The following PTBP1 variants were observed in gnomAD, a reference collection of about 807,000 sequenced individuals.
The protein encoded by PTBP1 is polypyrimidine tract binding protein 1.
Under a neutral mutation model 59.8 loss-of-function variants are expected in PTBP1, and 8 were observed. The ratio of observed to expected loss-of-function variants is 0.13; its 90% CI spans 0.08 to 0.24. PTBP1 has a LOEUF of 0.24. Among genes scored for constraint, PTBP1 ranks in the 10% least tolerant of loss-of-function variants. The probability of loss-of-function intolerance (pLI) is 1.00; values close to 1 mark genes in which losing one functional copy is unlikely to be tolerated. For synonymous variants in PTBP1, 490 were observed against 320.7 expected, an observed-to-expected ratio of 1.53 and a Z score of -5.64; for missense variants, 686 against 767.0, an observed-to-expected ratio of 0.89 and a Z score of 1.25.
chr19:802,937 C>T (rs935121487), intron 2 of PTBP1, among the ~76,000 whole-genome samples: 8 of 152,228 alleles, frequency 5.3e-5, no homozygotes, highest in African/African-American at 1.9e-4. Context: ...GTCACGGCCG[C>T]GATACCAGCG....
intron 2 of PTBP1, among the ~76,000 whole-genome samples, chr19:803,285 C>T (rs2034417456): frequency 6.6e-6 from 1 of 152,208 alleles, no homozygotes; most frequent in African/African-American, 2.4e-5. Flanking sequence ...TGGTGCCCTC[C>T]GTAGCTGAGA....
intron 1 of PTBP1, chr19:798,596 C>T (rs1228719320): frequency 6.6e-6 from 1 of 152,408 alleles, no homozygotes; most frequent in African/African-American, 2.4e-5. Context: ...GGACCCAGCA[C>T]CGCGGGCTCG....
rs545814372 is a variant in PTBP1 at position 799,524 on chromosome 19, C to G, written c.39+81C>G. The stretch of plus-strand genomic sequence containing the variant: ...CGGGGGCCACCCCCCAGCGCTGTTG[C>G]GTTGGCTAGAGGGCGCTTTTCCATT... On this transcript the variant is annotated intron_variant, in intron 2 of 14. Coordinates refer to ENST00000356948, the MANE Select transcript of PTBP1 (RefSeq NM_002819.5). The G allele has an allele frequency of 1.1e-5, 15 of 1,425,304 alleles. 1 individual carries two copies. In the East Asian group the frequency reaches 2.5e-4, roughly 24 times the overall value. The allele number at this position is 1,425,304 out of a possible 1,614,324, so 88.3% of individuals were successfully genotyped here.
intron 1 of PTBP1, chr19:798,578 C>G (rs1329968575): frequency 1.3e-5 from 2 of 152,266 alleles, no homozygotes; most frequent in African/African-American, 4.8e-5. Context: ...CGAGGGCTCC[C>G]CGCTCTCGGA....
chr19:801,174 CG>C (rs2145029111), intron 2 of PTBP1, among the ~76,000 whole-genome samples: 1 of 152,296 alleles, frequency 6.6e-6, no homozygotes, highest in Non-Finnish European at 1.5e-5. Flanking sequence ...AGTCCTGGGG[CG>C]TTTCCTGTCA....
chr19:802,723 C>T (rs1023802579), intron 2 of PTBP1, among the ~76,000 whole-genome samples: 2 of 152,240 alleles, frequency 1.3e-5, no homozygotes, highest in South Asian at 2.1e-4. Flanking sequence ...ACCAACGTCT[C>T]CTCCAATTTC....
intron 9 of PTBP1, chr19:806,127 T>C: frequency 2.7e-6 from 1 of 369,058 alleles, no homozygotes; most frequent in South Asian, 6.1e-5. Context: ...GTGTCTGTGC[T>C]GGCGGAGCCG....
In PTBP1 at chr19:810,846, C is replaced by CG; in HGVS notation, c.*23dup. On this transcript the variant is annotated 3_prime_UTR_variant, in exon 15 of 15. Coordinates refer to ENST00000356948, the MANE Select transcript of PTBP1 (RefSeq NM_002819.5). ...ATCTAGGGGCACAGGCCCCCACGGC[C>CG]GGGCCCCCTGGCGACAACTTCCATC... 6.6e-7 allele frequency: 1 copy of CG among 1,514,306 alleles called. No individual in the cohort carries two copies. The highest frequency in any genetic ancestry group is 1.3e-5 in the South Asian group (1 of 76,734). 93.8% of individuals were successfully genotyped at this position (1,514,306 alleles called of 1,614,324 possible). A position where few individuals can be genotyped will look rare whatever the true frequency, so the allele number is the denominator to read the frequency against.
At chr19:810,262 C>T (rs949302440) in intron 13 of PTBP1, among the ~76,000 whole-genome samples, 5 of 152,144 alleles carry the variant, frequency 3.3e-5, no homozygotes, top group African/African-American at 4.8e-5. Flanking sequence ...GCTGAGATCA[C>T]GCCACTGTGC....
At chr19:809,086 G>A (rs756759751) in intron 13 of PTBP1, among the ~76,000 whole-genome samples, 2 of 151,764 alleles carry the variant, frequency 1.3e-5, no homozygotes, top group African/African-American at 2.4e-5. Flanking sequence ...TCGGTTCACT[G>A]CAACCTCCGC....
intron 13 of PTBP1, among the ~76,000 whole-genome samples, chr19:809,663 G>A (rs1466078893): frequency 6.6e-6 from 1 of 152,214 alleles, no homozygotes; most frequent in Admixed American, 6.5e-5. Context: ...GGGCCGGGCA[G>A]GGGATTGCTT....
chr19:803,976 G>GACC, intron 3 of PTBP1, 60 bp from the exon 4 acceptor site: 1 of 1,594,106 alleles, frequency 6.3e-7, no homozygotes, highest in Admixed American at 1.7e-5. Flanking sequence ...GGATAGCAGG[G>GACC]ACCTTCCTCT....
intron 10 of PTBP1, chr19:807,075 C>G (rs73490587): frequency 0.16 from 23,964 of 152,420 alleles, 2,135 homozygotes; most frequent in South Asian, 0.23. Context: ...TCAGGCTGTT[C>G]TGTTTCCCGG....
chr19:804,417 C>G lies in PTBP1; in HGVS notation c.414C>G (p.Thr138=), dbSNP rs539202863. The change falls in exon 5 of 15, where the codon ACC becomes ACG. Residue 138 remains threonine (T), a synonymous_variant. Coordinates refer to ENST00000356948, the MANE Select transcript of PTBP1 (RefSeq NM_002819.5). ...TCTCCAACCACAAGGAGCTGAAGAC[C>G]GACAGCTCTCCCAACCAGGCGGTGC... is the stretch of plus-strand genomic sequence containing the variant. ...IQFSNHKELK[T]DSSPNQARAQ... is the part of the protein sequence containing the mutation. The G allele has an allele frequency of 2.5e-6, 4 of 1,611,724 alleles. No individual in the cohort carries two copies. In the South Asian group the frequency reaches 4.4e-5, roughly 18 times the overall value.
In PTBP1 at chr19:808,137, C is replaced by T; in HGVS notation, c.1154-223C>T. The stretch of plus-strand genomic sequence containing the variant: ...CTGTCGGTGGCATATGCCACCGTGG[C>T]CACCCGCTGGCAGCTTACCTGTCCT... On this transcript the variant is annotated intron_variant, in intron 11 of 14. Transcript: ENST00000356948. The surrounding 1 kb of genome is among the most constrained non-coding windows in gnomAD (Gnocchi z 4.7). The T allele has an allele frequency of 4.8e-6, 3 of 629,760 alleles. No homozygotes were observed. The highest frequency in any genetic ancestry group is 5.7e-6 in the Non-Finnish European group (2 of 352,446). The allele number at this position is 629,760 out of a possible 1,614,324, so 39.0% of individuals were successfully genotyped here.
intron 2 of PTBP1, among the ~76,000 whole-genome samples, chr19:800,074 C>T (rs2034264176): frequency 6.6e-6 from 1 of 151,272 alleles, no homozygotes; most frequent in African/African-American, 2.4e-5. Flanking sequence ...TTACAGGTGC[C>T]CACCACCATG....
intron 2 of PTBP1, among the ~76,000 whole-genome samples, chr19:802,729 A>G (rs984894274): frequency 3.3e-5 from 5 of 152,126 alleles, no homozygotes; most frequent in Admixed American, 6.5e-5. Flanking sequence ...GTCTCCTCCA[A>G]TTTCACTCTT....
chr19:799,346 A>C, intron 1 of PTBP1, 67 bp from the exon 2 acceptor site: 1 of 1,477,136 alleles, frequency 6.8e-7, no homozygotes, highest in Non-Finnish European at 9.5e-7. Flanking sequence ...TGGCCCGGGG[A>C]CAGCTGGGTG....
intron 13 of PTBP1, 77 bp from the exon 14 acceptor site, chr19:810,466 T>G (rs2034807866): frequency 1.6e-6 from 2 of 1,285,932 alleles, no homozygotes; most frequent in African/African-American, 1.5e-5. Flanking sequence ...AAAACTAGTC[T>G]GGGGAAAGCC....
Sources: gnomAD v4.1 joint callset for allele counts (sites outside exome capture counted in the v4.1 genomes callset) on GRCh38, gnomAD v4.1.1 for gene constraint, Gnocchi (gnomAD v3.1) non-coding constraint, MANE v1.5 for transcripts, NCBI Gene and HGNC (gene_info 2026-07-23, HGNC 2026-07-21) for gene names.